The following NLRP5 variants were observed in gnomAD, a reference collection of about 807,000 sequenced individuals.
The protein encoded by NLRP5 is NLR family pyrin domain containing 5.
Under a neutral mutation model 113.1 loss-of-function variants are expected in NLRP5, and 93 were observed. That is an observed-to-expected ratio of 0.82 (90% CI 0.70 to 0.98). The LOEUF (loss-of-function observed/expected upper bound fraction) is 0.98, where lower values mean the gene tolerates loss of function less well. Ranked by LOEUF, NLRP5 falls within the 50% of genes least tolerant of loss-of-function variation. The pLI is 0.00. For synonymous variants in NLRP5, 751 were observed against 600.7 expected (o/e 1.25, Z -3.66); for missense variants, 1,808 against 1,514.3 (o/e 1.19, Z -3.22).
intron 8 of NLRP5, 61 bp from the exon 9 acceptor site, chr19:56,033,480 GA>G: frequency 7.6e-7 from 1 of 1,311,092 alleles, no homozygotes; most frequent in Non-Finnish European, 1.1e-6. Context: ...GGATGGGAAG[GA>G]AAAATGAGGA....
chr19:55,988,503 A>G, the NLRP5 span: 1 of 147,602 alleles, frequency 6.8e-6, no homozygotes, highest in Non-Finnish European at 1.5e-5. Context: ...GCTTTGAGTC[A>G]CCTAAGACAG....
chr19:56,031,651 G>A (rs945439566), intron 7 of NLRP5, among the ~76,000 whole-genome samples: 3 of 147,646 alleles, frequency 2.0e-5, no homozygotes, highest in Admixed American at 1.4e-4. Context: ...AAAAAATGTA[G>A]ACTCATGCAG....
intron 4 of NLRP5, 25 bp from the exon 5 acceptor site, chr19:56,019,317 G>C (rs1982526317): frequency 6.2e-7 from 1 of 1,613,898 alleles, no homozygotes; most frequent in African/African-American, 1.3e-5. Context: ...ACACAAGTAT[G>C]TTGGAATTCA....
Position 56,047,355 on chromosome 19 carries a change from C to G in NLRP5, c.2958-3063C>G, listed in dbSNP as rs374198599. ...TAGTATCAGTTGATGCTCTTTCAGC[C>G]TTTTTGATGTAGGCGTTGAGGGCTA... On this transcript the variant is annotated intron_variant, in intron 11 of 14. Transcript: ENST00000390649. Among the ~76,000 whole-genome samples, 4 of 152,210 alleles carry G rather than the reference C, an allele frequency of 2.6e-5. No individual in the cohort carries two copies. In the East Asian group the frequency reaches 5.8e-4, roughly 22 times the overall value.
At chr19:56,037,897 C>A in intron 9 of NLRP5, 128 bp from the exon 10 acceptor site, 1 of 901,140 alleles carries the variant, frequency 1.1e-6, no homozygotes, top group Non-Finnish European at 1.7e-6. Context: ...TTCTCAGGCC[C>A]GGAGGCAGGA....
Position 56,055,537 on chromosome 19 carries a change from C to CTTTTTTTTTTTTTTTT in NLRP5, c.3299+1740_3299+1755dup, listed in dbSNP as rs1160965587. 4.1e-4 allele frequency among the ~76,000 whole-genome samples: 31 copies of CTTTTTTTTTTTTTTTT among 76,458 alleles called. 3 individuals carry two copies. The highest frequency in any genetic ancestry group is 5.7e-4 in the Non-Finnish European group (24 of 42,280). The allele number at this position is 76,458 out of a possible 152,430, so 50.2% of individuals were successfully genotyped here. On this transcript the variant is annotated intron_variant, in intron 13 of 14. Coordinates refer to ENST00000390649, the MANE Select transcript of NLRP5 (RefSeq NM_153447.4). The stretch of plus-strand genomic sequence containing the variant: ...CCATGTTCTATTTTTCTTTCTCTGT[C>CTTTTTTTTTTTTTTTT]TTTTTTTTTTTTTTTTTTTTTTTTT...
chr19:56,007,135 G>A (rs1280981986), intron 2 of NLRP5, among the ~76,000 whole-genome samples: 4 of 151,436 alleles, frequency 2.6e-5, no homozygotes, highest in Non-Finnish European at 5.9e-5. Context: ...GTCCTAGGCG[G>A]GCGGATCACT....
chr19:56,044,788 T>G (rs915153593), intron 11 of NLRP5, among the ~76,000 whole-genome samples: 5 of 152,222 alleles, frequency 3.3e-5, no homozygotes, highest in Non-Finnish European at 7.3e-5. Flanking sequence ...TTTTGTAGAT[T>G]GCTTTGGCAG....
chr19:56,016,469 A>C (rs1438383220), intron 4 of NLRP5, among the ~76,000 whole-genome samples: 4 of 152,114 alleles, frequency 2.6e-5, no homozygotes, highest in Non-Finnish European at 4.4e-5. Context: ...AGAACATTTA[A>C]AATCCTCTTT....
At chr19:56,060,446 C>T (rs796733127) in intron 14 of NLRP5, among the ~76,000 whole-genome samples, 24 of 152,174 alleles carry the variant, frequency 1.6e-4, no homozygotes, top group Middle Eastern at 3.4e-3. Context: ...AATGTTTTCT[C>T]GTTGTTATAG....
In NLRP5 at chr19:56,054,992, C is replaced by CTTTT. The variant is rs869165472; in HGVS notation, c.3299+1206_3299+1209dup. ...AGGCTTTAATCTGGGCACCCCTCCC[C>CTTTT]TTTTTTTTTTTTTTTTTTTTTTTTT... On this transcript the variant is annotated intron_variant, in intron 13 of 14. Transcript: ENST00000390649. Among the ~76,000 whole-genome samples the CTTTT allele has an allele frequency of 1.9e-4, 12 of 62,396 alleles. No homozygotes were observed. In the East Asian group the frequency reaches 4.8e-3, roughly 25 times the overall value. 40.9% of individuals were successfully genotyped at this position (62,396 alleles called of 152,430 possible).
chr19:56,015,019 T>C (rs927624186), intron 3 of NLRP5, among the ~76,000 whole-genome samples: 5 of 152,210 alleles, frequency 3.3e-5, no homozygotes, highest in African/African-American at 1.2e-4. Context: ...AGTAACAACA[T>C]TAAGTCTTCA....
intron 9 of NLRP5, among the ~76,000 whole-genome samples, chr19:56,037,233 C>T (rs556414563): frequency 2.0e-5 from 3 of 152,264 alleles, no homozygotes; most frequent in South Asian, 4.1e-4. Context: ...CCGGTCATCC[C>T]GGAAGCTCGT....
chr19:56,034,831 T>C (rs142114900), intron 9 of NLRP5, among the ~76,000 whole-genome samples: 1 of 152,278 alleles, frequency 6.6e-6, no homozygotes, highest in Non-Finnish European at 1.5e-5. Flanking sequence ...GGTTGGTTGG[T>C]TGGTTGGTCG....
At chr19:56,043,841 T>TA in intron 11 of NLRP5, among the ~76,000 whole-genome samples, 1 of 151,398 alleles carries the variant, frequency 6.6e-6, no homozygotes, top group Non-Finnish European at 1.5e-5. Context: ...CCTCCCAAAG[T>TA]GCTGGGATTA....
rs763220772 is a variant in NLRP5 at position 56,019,423 on chromosome 19, G to C, written c.622+25G>C. Reference sequence around the variant, plus strand: ...GGTGAGGAAAATAGATGTATTCCTTGGTTGCCCTCCTGGAAGAAAGTTGGG... The same window carrying C: ...GGTGAGGAAAATAGATGTATTCCTTCGTTGCCCTCCTGGAAGAAAGTTGGG... On this transcript the variant is annotated intron_variant, in intron 5 of 14. Coordinates refer to ENST00000390649, the MANE Select transcript of NLRP5 (RefSeq NM_153447.4). 40 of 1,608,922 alleles carry C rather than the reference G, an allele frequency of 2.5e-5. No homozygotes were observed. The South Asian group carries it at 4.4e-4, about 18-fold the overall frequency.
intron 6 of NLRP5, among the ~76,000 whole-genome samples, chr19:56,025,537 C>T (rs909533967): frequency 3.3e-5 from 5 of 151,770 alleles, no homozygotes; most frequent in Non-Finnish European, 7.4e-5. Context: ...TCCCGAGTAG[C>T]TGGCATTACA....
intron 9 of NLRP5, among the ~76,000 whole-genome samples, chr19:56,037,719 G>A (rs1050830782): frequency 1.5e-5 from 2 of 134,834 alleles, no homozygotes; most frequent in African/African-American, 5.5e-5. Context: ...AAAAAATGTT[G>A]GCTGGGGTGG....
chr19:56,027,598 G>T lies in NLRP5; in HGVS notation c.1365G>T (p.Leu455Phe). 2 of 1,613,894 alleles carry T rather than the reference G, an allele frequency of 1.2e-6. No individual in the cohort carries two copies. Among genetic ancestry groups the T allele is most frequent in the Non-Finnish European group, 1.7e-6 (2 of 1,179,908 alleles). The change falls in exon 7 of 15, where the codon TTG (leucine) becomes TTT (phenylalanine). Residue 455 changes from leucine to phenylalanine, a missense_variant. Leu to Phe is a conservative substitution (Grantham distance 22, BLOSUM62 0). Coordinates refer to ENST00000390649, the MANE Select transcript of NLRP5 (RefSeq NM_153447.4). ...GTGAGCATCAGAAGACACAAGGGTT[G>T]CGTGCGATCATGAACAACCGTGAGC...
Sources: allele counts gnomAD v4.1 joint callset (sites outside exome capture counted in the v4.1 genomes callset), GRCh38; gene constraint gnomAD v4.1.1; transcripts MANE v1.5; gene names NCBI Gene and HGNC (gene_info 2026-07-23, HGNC 2026-07-21).